The following NR6A1 variants were observed in gnomAD, a reference collection of about 807,000 sequenced individuals.
NR6A1 encodes retinoic acid receptor-related testis-associated receptor.
A neutral mutation model predicts 59.1 loss-of-function variants in NR6A1; 7 were observed. That is an observed-to-expected ratio of 0.12 (90% CI 0.07 to 0.22). The LOEUF is 0.22. NR6A1 is among the 10% of genes least tolerant of loss of function. The pLI is 1.00. For missense variants in NR6A1, 468 were observed against 611.6 expected, an observed-to-expected ratio of 0.77 and a Z score of 2.48; for synonymous variants, 243 against 236.1, an observed-to-expected ratio of 1.03 and a Z score of -0.27.
At chr9:124,662,412 A>G (rs1345820173) in intron 2 of NR6A1, among the ~76,000 whole-genome samples, 1 of 152,170 alleles carries the variant, frequency 6.6e-6, no homozygotes, top group East Asian at 1.9e-4. Context: ...ACCCCTCTGA[A>G]ACTTAGTATC....
intron 2 of NR6A1, among the ~76,000 whole-genome samples, chr9:124,588,580 T>C (rs1192476164): frequency 6.7e-6 from 1 of 149,046 alleles, no homozygotes; most frequent in Non-Finnish European, 1.5e-5. Flanking sequence ...GTGCTGGGAT[T>C]ACAGGCGTGA....
At chr9:124,725,644 T>A (rs1446829057) in intron 2 of NR6A1, among the ~76,000 whole-genome samples, 2 of 152,166 alleles carry the variant, frequency 1.3e-5, no homozygotes, top group Non-Finnish European at 2.9e-5. Flanking sequence ...CAAGGAAATC[T>A]GTAATATCCT....
chr9:124,750,381 C>T (rs74447525), intron 1 of NR6A1, among the ~76,000 whole-genome samples: 1,576 of 152,300 alleles, frequency 0.01, 27 homozygotes, highest in African/African-American at 0.036. Flanking sequence ...TTGTCCTAAA[C>T]CTCACAACAG....
intron 2 of NR6A1, among the ~76,000 whole-genome samples, chr9:124,629,218 C>CGAT (rs1411736786): frequency 1.3e-5 from 2 of 152,092 alleles, no homozygotes; most frequent in African/African-American, 4.8e-5. Flanking sequence ...ACCTACAGAA[C>CGAT]GATAAGTAAT....
chr9:124,717,105 T>A (rs940228937), intron 2 of NR6A1, among the ~76,000 whole-genome samples: 2 of 152,184 alleles, frequency 1.3e-5, no homozygotes, highest in African/African-American at 4.8e-5. Flanking sequence ...AAACTAGCAA[T>A]AACAAATGCT....
intron 2 of NR6A1, among the ~76,000 whole-genome samples, chr9:124,593,317 C>T (rs1049644236): frequency 2.0e-5 from 3 of 152,132 alleles, no homozygotes; most frequent in African/African-American, 7.2e-5. Context: ...ACATGTGTTA[C>T]TCAAATCCTA....
intron 1 of NR6A1, among the ~76,000 whole-genome samples, chr9:124,737,128 G>A (rs1006002397): frequency 2.0e-5 from 3 of 152,154 alleles, no homozygotes; most frequent in African/African-American, 7.2e-5. Flanking sequence ...AGTGCTTGAT[G>A]TGGTGATTCC....
At chr9:124,719,793 G>A (rs1303120770) in intron 2 of NR6A1, among the ~76,000 whole-genome samples, 2 of 151,906 alleles carry the variant, frequency 1.3e-5, no homozygotes, top group African/African-American at 4.8e-5. Context: ...GGTAATGCGC[G>A]CCTATAGTCC....
chr9:124,565,676 G>A (rs1047760847), intron 2 of NR6A1, among the ~76,000 whole-genome samples: 1 of 152,134 alleles, frequency 6.6e-6, no homozygotes, highest in Non-Finnish European at 1.5e-5. Flanking sequence ...GACTTGAATA[G>A]GTGTGCCACA....
intron 2 of NR6A1, among the ~76,000 whole-genome samples, chr9:124,666,643 C>T (rs1194994412): frequency 6.6e-6 from 1 of 152,140 alleles, no homozygotes; most frequent in African/African-American, 2.4e-5. Context: ...TCCTCTATTA[C>T]TAGAACAGAA....
intron 2 of NR6A1, among the ~76,000 whole-genome samples, chr9:124,684,097 T>A (rs1169295991): frequency 2.6e-5 from 4 of 152,206 alleles, no homozygotes; most frequent in Non-Finnish European, 1.5e-5. Context: ...AATTTAGTTC[T>A]ACACAGACAA....
Position 124,627,444 on chromosome 9 carries a change from G to A in NR6A1, c.143-72874C>T, listed in dbSNP as rs145230177. Reference sequence around the variant, plus strand: ...GCAAAAAACTCTAAGAAAACAAAAAGCACTGGACCACAGGAGATTATGGAA... The same window carrying A: ...GCAAAAAACTCTAAGAAAACAAAAAACACTGGACCACAGGAGATTATGGAA... On this transcript the variant is annotated intron_variant, in intron 2 of 9. Transcript: ENST00000487099. Among the ~76,000 whole-genome samples, 369 of 152,208 alleles carry A rather than the reference G, an allele frequency of 2.4e-3. 1 individual carries two copies. Among genetic ancestry groups the A allele is most frequent in the African/African-American group, 8.2e-3 (341 of 41,530 alleles).
At chr9:124,598,588 G>A (rs1348362914) in intron 2 of NR6A1, 1 of 300,146 alleles carries the variant, frequency 3.3e-6, no homozygotes, top group African/African-American at 2.3e-5. Flanking sequence ...TTATATAACG[G>A]CCTTTTGTAA....
intron 2 of NR6A1, among the ~76,000 whole-genome samples, chr9:124,564,234 A>G (rs1488814431): frequency 6.6e-6 from 1 of 152,230 alleles, no homozygotes; most frequent in Non-Finnish European, 1.5e-5. Flanking sequence ...GGCTATCTGA[A>G]GAAACCTATA....
chr9:124,551,207 A>T (rs149197780), intron 3 of NR6A1, among the ~76,000 whole-genome samples: 6 of 152,068 alleles, frequency 3.9e-5, no homozygotes, highest in African/African-American at 1.4e-4. Flanking sequence ...GGGTGTACTC[A>T]TTGCTCCTGG....
intron 2 of NR6A1, among the ~76,000 whole-genome samples, chr9:124,571,314 C>A (rs1406563990): frequency 6.6e-6 from 1 of 152,136 alleles, no homozygotes; most frequent in Non-Finnish European, 1.5e-5. Context: ...ACATGCAATT[C>A]TGGAGTTAGA....
At chr9:124,769,092 T>C (rs1013855412) in intron 1 of NR6A1, among the ~76,000 whole-genome samples, 4 of 152,172 alleles carry the variant, frequency 2.6e-5, no homozygotes, top group Non-Finnish European at 4.4e-5. Context: ...AAATCCTTTG[T>C]TCCTATTATA....
rs1254492164 is a variant in NR6A1, at chr9:124,752,815, TA to T, written c.100+18204del. 6.2e-3 allele frequency among the ~76,000 whole-genome samples: 875 copies of T among 140,336 alleles called. 3 individuals are homozygous for T. The highest frequency in any genetic ancestry group is 0.01 in the African/African-American group (402 of 38,680). 92.1% of individuals were successfully genotyped at this position (140,336 alleles called of 152,430 possible). On this transcript the variant is annotated intron_variant, in intron 1 of 9. Transcript: ENST00000487099. ...AAATCCTATCTCACAGCAGTTAAAT[TA>T]AAAAAAAAAAAAGATCAGAAAAACA...
intron 1 of NR6A1, among the ~76,000 whole-genome samples, chr9:124,736,986 T>C (rs769926027): frequency 6.6e-6 from 1 of 152,224 alleles, no homozygotes; most frequent in Non-Finnish European, 1.5e-5. Flanking sequence ...AAGCAAAGTG[T>C]AGATTATAGC....
Sources: allele counts gnomAD v4.1 joint callset (sites outside exome capture counted in the v4.1 genomes callset), GRCh38; gene constraint gnomAD v4.1.1; transcripts MANE v1.5; gene names NCBI Gene and HGNC (gene_info 2026-07-23, HGNC 2026-07-21).